Variants in WDPCP observed in about 807,000 individuals in gnomAD.
WDPCP encodes the protein WD repeat containing planar cell polarity effector, also known as WD repeat-containing and planar cell polarity effector protein fritz homolog.
WDPCP carries 71 observed loss-of-function variants against 93.1 expected under a neutral mutation model. The ratio of observed to expected loss-of-function variants is 0.76; its 90% confidence interval spans 0.63 to 0.93. The LOEUF is 0.93. Among genes scored for constraint, WDPCP ranks in the 40% least tolerant of loss-of-function variants. WDPCP has a pLI of 0.00. For synonymous variants in WDPCP, 315 were observed against 315.0 expected, an observed-to-expected ratio of 1.00 and a Z score of 0.00; for missense variants, 844 against 887.4, an observed-to-expected ratio of 0.95 and a Z score of 0.62.
intron 1 of WDPCP, among the ~76,000 whole-genome samples, chr2:63,539,213 T>C (rs761523418): frequency 6.6e-6 from 1 of 152,220 alleles, no homozygotes; most frequent in Non-Finnish European, 1.5e-5. Context: ...AACCCATAAT[T>C]TACATTTATG....
At chr2:63,250,805 T>C (rs1438419119) in intron 14 of WDPCP, among the ~76,000 whole-genome samples, 1 of 152,306 alleles carries the variant, frequency 6.6e-6, no homozygotes, top group Admixed American at 6.5e-5. Context: ...TTTAGCCATA[T>C]ATATTTTATT....
chr2:63,707,456 G>A (rs1278925521), intron 2 of WDPCP, among the ~76,000 whole-genome samples: 1 of 152,004 alleles, frequency 6.6e-6, no homozygotes, highest in Non-Finnish European at 1.5e-5. Context: ...CGTAGATCTC[G>A]TGCCATGGTT....
chr2:63,136,965 G>A (rs1013146498), intron 17 of WDPCP, among the ~76,000 whole-genome samples: 2 of 152,052 alleles, frequency 1.3e-5, no homozygotes, highest in East Asian at 3.8e-4. Context: ...TATTATTGAT[G>A]GGCATTTAGG....
chr2:63,420,862 T>A (rs1695808287), intron 9 of WDPCP, among the ~76,000 whole-genome samples: 1 of 152,218 alleles, frequency 6.6e-6, no homozygotes, highest in Non-Finnish European at 1.5e-5. Context: ...CCACAAGATG[T>A]TTTCATTTTC....
chr2:63,424,993 T>C (rs1230400458), intron 9 of WDPCP, among the ~76,000 whole-genome samples: 1 of 152,174 alleles, frequency 6.6e-6, no homozygotes, highest in Non-Finnish European at 1.5e-5. Context: ...AGAACTTATC[T>C]GCCAGTCATT....
At chr2:63,726,356 G>T (rs371635257) in intron 2 of WDPCP, among the ~76,000 whole-genome samples, 4 of 138,398 alleles carry the variant, frequency 2.9e-5, no homozygotes, top group East Asian at 3.9e-4. Flanking sequence ...TTAGACAGTT[G>T]TAAGTGTGTG....
chr2:63,248,755 T>C (rs1184160671), intron 14 of WDPCP, among the ~76,000 whole-genome samples: 1 of 152,158 alleles, frequency 6.6e-6, no homozygotes, highest in African/African-American at 2.4e-5. Context: ...AAATATCGTA[T>C]CATAAAGTTG....
chr2:63,294,589 A>G (rs1001327277), intron 13 of WDPCP, among the ~76,000 whole-genome samples: 4 of 151,978 alleles, frequency 2.6e-5, no homozygotes, highest in Non-Finnish European at 5.9e-5. Flanking sequence ...ATTGTCCTTC[A>G]AAAGTGAAGA....
intron 17 of WDPCP, among the ~76,000 whole-genome samples, chr2:63,131,833 CT>C (rs55670342): frequency 0.34 from 36,883 of 107,606 alleles, 4,204 homozygotes; most frequent in East Asian, 0.46. Context: ...ATACAGTATT[CT>C]TTTTTTTTTT....
At chr2:63,830,594 C>A (rs1352591609), upstream of WDPCP, among the ~76,000 whole-genome samples, 1 of 152,102 alleles carries the variant, frequency 6.6e-6, no homozygotes, top group Admixed American at 6.6e-5. Flanking sequence ...ATCTTCCTAT[C>A]ACTCTACTGC....
At chr2:63,516,616 T>C (rs983632721) in intron 1 of WDPCP, among the ~76,000 whole-genome samples, 1 of 126,298 alleles carries the variant, frequency 7.9e-6, no homozygotes, top group Admixed American at 8.5e-5. Flanking sequence ...CAGCACATCA[T>C]TGTCAGCCAT....
chr2:63,622,324 G>T, intron 3 of WDPCP: 1 of 1,597,296 alleles, frequency 6.3e-7, no homozygotes, highest in Non-Finnish European at 8.6e-7. Context: ...GCCTCGCCTT[G>T]CAGCTTAGTC....
chr2:63,213,260 T>G (rs992064039), intron 14 of WDPCP, among the ~76,000 whole-genome samples: 44 of 152,036 alleles, frequency 2.9e-4, no homozygotes, highest in Non-Finnish European at 1.0e-4. Flanking sequence ...GAACAGAAAT[T>G]ATAACAAACT....
chr2:63,513,384 T>G (rs66873455), intron 1 of WDPCP, among the ~76,000 whole-genome samples: 29,577 of 151,656 alleles, frequency 0.2, 3,079 homozygotes, highest in Middle Eastern at 0.29. Flanking sequence ...AGAGGATGAG[T>G]GCTGAAGTAG....
intron 1 of WDPCP, among the ~76,000 whole-genome samples, chr2:63,532,850 C>T (rs149747466): frequency 2.1e-3 from 322 of 152,298 alleles, no homozygotes; most frequent in African/African-American, 7.5e-3. Context: ...ATCAAATTAA[C>T]ACGTAACAAT....
chr2:63,503,549 A>G (rs970001949), intron 1 of WDPCP, among the ~76,000 whole-genome samples: 11 of 152,150 alleles, frequency 7.2e-5, no homozygotes, highest in African/African-American at 2.7e-4. Flanking sequence ...CAACACAGAT[A>G]CCTACTTTTC....
Position 63,605,976 on chromosome 2 carries a change from A to G in WDPCP, n.488+44683T>C, listed in dbSNP as rs764147124. 5.6e-6 allele frequency: 9 copies of G among 1,614,030 alleles called. No individual in the cohort carries two copies. In the South Asian group the frequency reaches 9.9e-5, roughly 18 times the overall value. ...TCCATGGGTGTTATCTCTGATGGCA[A>G]CTCCTATGGTGTTCCTGATGATCTG... On this transcript the variant is annotated intron_variant and non_coding_transcript_variant, in intron 3 of 4. Coordinates refer to the WDPCP transcript ENST00000467687.
intron 2 of WDPCP, among the ~76,000 whole-genome samples, chr2:63,694,680 T>G (rs1668939371): frequency 6.6e-6 from 1 of 152,172 alleles, no homozygotes; most frequent in Non-Finnish European, 1.5e-5. Flanking sequence ...TTTCTTCATC[T>G]TTAAGAGTAG....
At chr2:63,450,177 C>A (rs1272780672) in intron 6 of WDPCP, among the ~76,000 whole-genome samples, 1 of 152,200 alleles carries the variant, frequency 6.6e-6, no homozygotes, top group African/African-American at 2.4e-5. Flanking sequence ...CCACACACCA[C>A]TGCAGGCATA....
Sources: gnomAD v4.1 joint callset for allele counts (sites outside exome capture counted in the v4.1 genomes callset) on GRCh38, gnomAD v4.1.1 for gene constraint, MANE v1.5 for transcripts, NCBI Gene and HGNC (gene_info 2026-07-23, HGNC 2026-07-21) for gene names.